KRAS: variants seen among roughly 807,000 people sequenced by gnomAD.
KRAS encodes GTPase KRas.
In KRAS, 1 loss-of-function variant was observed where a neutral mutation model predicts 21.0. That is an observed-to-expected ratio of 0.05 (90% confidence interval 0.02 to 0.23). KRAS has a LOEUF of 0.23. Ranked by LOEUF, KRAS falls within the 10% of genes least tolerant of loss-of-function variation. The pLI is 1.00. For synonymous variants in KRAS, 67 were observed against 72.5 expected (o/e 0.92, Z 0.39); for missense variants, 107 against 221.8 (o/e 0.48, Z 3.29).
rs1422476334 is a variant in KRAS at position 25,205,689 on chromosome 12, G to A, written c.*4106C>T. On this transcript the variant is annotated 3_prime_UTR_variant, in exon 5 of 5. Coordinates refer to ENST00000311936, the MANE Select transcript of KRAS (RefSeq NM_004985.5). ...GTAACCCAGTTAGCTCTGTGGGGGT[G>A]TGGGGGGAGAGATGGGCCCTCAACA... is the stretch of plus-strand genomic sequence containing the variant. 1 of 224,324 alleles carries A rather than the reference G, an allele frequency of 4.5e-6. No homozygotes were observed. 13.9% of individuals were successfully genotyped at this position (224,324 alleles called of 1,614,324 possible).
intron 2 of KRAS, chr12:25,234,015 A>AT: frequency 5.2e-6 from 1 of 190,818 alleles, no homozygotes; most frequent in Non-Finnish European, 1.1e-5. Context: ...GCAAAGGCAG[A>AT]TTTTTTAATC....
At chr12:25,228,338 G>C (rs926014497) in intron 2 of KRAS, among the ~76,000 whole-genome samples, 14 of 150,996 alleles carry the variant, frequency 9.3e-5, no homozygotes, top group African/African-American at 3.2e-4. Flanking sequence ...TTTGGACGAG[G>C]GATGCTGAAC....
In KRAS at chr12:25,206,675, A is replaced by G. The variant is rs1357422149; in HGVS notation, c.*3120T>C. On this transcript the variant is annotated 3_prime_UTR_variant, in exon 5 of 5. Transcript: ENST00000311936. Reference sequence around the variant, plus strand: ...CTGTGTAAGTCTTAACACCCTACCTAAACAGTGTTCCAAAGATCTGTAGTT... The same window carrying G: ...CTGTGTAAGTCTTAACACCCTACCTGAACAGTGTTCCAAAGATCTGTAGTT... 1 of 200,954 alleles carries G rather than the reference A, an allele frequency of 5.0e-6. No individual in the cohort carries two copies. Among genetic ancestry groups the G allele is most frequent in the African/African-American group, 2.3e-5 (1 of 43,610 alleles). 12.4% of individuals were successfully genotyped at this position (200,954 alleles called of 1,614,324 possible).
chr12:25,240,733 C>T (rs1951600006), intron 2 of KRAS, among the ~76,000 whole-genome samples: 1 of 152,054 alleles, frequency 6.6e-6, no homozygotes, highest in South Asian at 2.1e-4. Context: ...ATTCCATTAC[C>T]AACTTCCATT....
chr12:25,224,427 T>C (rs1273488278), intron 4 of KRAS, among the ~76,000 whole-genome samples: 1 of 151,664 alleles, frequency 6.6e-6, no homozygotes, highest in Non-Finnish European at 1.5e-5. Flanking sequence ...AAAAGTTTAA[T>C]AAGTAAAAAC....
At position 25,246,461 on chromosome 12, in the gene KRAS, G is replaced by C. The variant is rs541879477; in HGVS notation, c.-11-1066C>G. 2.6e-5 allele frequency among the ~76,000 whole-genome samples: 4 copies of C among 152,206 alleles called. No individual in the cohort carries two copies. The South Asian group carries it at 8.3e-4, about 32-fold the overall frequency. ...TAGTCCTAGCTACTGGGGAGGCTGA[G>C]GAAGGAGAATCACTTGAACCCGGGA... On this transcript the variant is annotated intron_variant, in intron 1 of 4. Transcript: ENST00000311936.
chr12:25,237,884 A>T (rs964889025), intron 2 of KRAS, among the ~76,000 whole-genome samples: 1 of 152,194 alleles, frequency 6.6e-6, no homozygotes, highest in Non-Finnish European at 1.5e-5. Flanking sequence ...TCCTTACAAA[A>T]TCACTGGGCA....
At chr12:25,243,179 A>G (rs1449428152) in intron 2 of KRAS, among the ~76,000 whole-genome samples, 1 of 152,168 alleles carries the variant, frequency 6.6e-6, no homozygotes, top group East Asian at 1.9e-4. Flanking sequence ...TGGAGTCAGC[A>G]TTTCCATTTA....
At chr12:25,214,326 G>A (rs1468106022) in intron 4 of KRAS, among the ~76,000 whole-genome samples, 1 of 151,716 alleles carries the variant, frequency 6.6e-6, no homozygotes, top group African/African-American at 2.4e-5. Flanking sequence ...GTGGTGGGAA[G>A]GTAGTAAGGA....
intron 2 of KRAS, among the ~76,000 whole-genome samples, chr12:25,239,202 T>C (rs921616165): frequency 6.6e-6 from 1 of 152,246 alleles, no homozygotes; most frequent in African/African-American, 2.4e-5. Context: ...ATATCTTTAG[T>C]ACCCCCCATC....
intron 4 of KRAS, among the ~76,000 whole-genome samples, chr12:25,216,466 G>A (rs933449360): frequency 8.6e-5 from 13 of 152,022 alleles, no homozygotes; most frequent in Admixed American, 7.9e-4. Context: ...GTAGAGACAG[G>A]GTTTTGCCAT....
At chr12:25,213,986 TGTCAAGTAATATAGGAATG>T (rs1272850233) in intron 4 of KRAS, among the ~76,000 whole-genome samples, 1 of 152,238 alleles carries the variant, frequency 6.6e-6, no homozygotes, top group African/African-American at 2.4e-5. Flanking sequence ...AAGATTTTGC[TGTCAAGTAATATAGGAATG>T]AAACAGAAGA....
intron 4 of KRAS, among the ~76,000 whole-genome samples, chr12:25,214,135 G>C (rs1222577560): frequency 6.6e-6 from 1 of 152,186 alleles, no homozygotes; most frequent in African/African-American, 2.4e-5. Context: ...TAGAGAGTAG[G>C]AGACTGGGGA....
At chr12:25,230,736 A>G (rs190565865) in intron 2 of KRAS, among the ~76,000 whole-genome samples, 1 of 152,274 alleles carries the variant, frequency 6.6e-6, no homozygotes, top group Non-Finnish European at 1.5e-5. Flanking sequence ...TACATATTAG[A>G]CTATAATTTT....
chr12:25,247,018 T>C (rs1369599830), intron 1 of KRAS, among the ~76,000 whole-genome samples: 2 of 152,132 alleles, frequency 1.3e-5, no homozygotes, highest in Non-Finnish European at 2.9e-5. Flanking sequence ...TGCATGAATA[T>C]TGACAGATTG....
chr12:25,213,871 G>A (rs12427141), intron 4 of KRAS, among the ~76,000 whole-genome samples: 17,330 of 152,162 alleles, frequency 0.11, 1,331 homozygotes, highest in Admixed American at 0.16. Context: ...GTTTAGAAAC[G>A]AAAATGAGAA....
intron 2 of KRAS, among the ~76,000 whole-genome samples, chr12:25,239,088 G>A (rs1233313954): frequency 6.6e-6 from 1 of 152,150 alleles, no homozygotes; most frequent in African/African-American, 2.4e-5. Context: ...TGAAAGTACA[G>A]AAATGTTATT....
In KRAS at chr12:25,227,421, G is replaced by C. The variant is rs727504298; in HGVS notation, c.112-9C>G. The C allele has an allele frequency of 1.2e-6, 2 of 1,613,264 alleles. No individual in the cohort carries two copies. Among genetic ancestry groups the C allele is most frequent in the African/African-American group, 2.7e-5 (2 of 74,884 alleles). ...TGCTTCCTGTAGGAATCCTGAGAAG[G>C]GAGAAACACAGTCTGGATTATTACA... On this transcript the variant is annotated splice_polypyrimidine_tract_variant and intron_variant, in intron 2 of 4. Transcript: ENST00000311936.
At chr12:25,227,523 T>A in intron 2 of KRAS, 111 bp from the exon 3 acceptor site, 1 of 917,336 alleles carries the variant, frequency 1.1e-6, no homozygotes, top group Non-Finnish European at 1.7e-6. Flanking sequence ...GGCAAAGGAC[T>A]TGAAAAGACA....
Sources: gnomAD v4.1 joint callset for allele counts (sites outside exome capture counted in the v4.1 genomes callset) on GRCh38, gnomAD v4.1.1 for gene constraint, MANE v1.5 for transcripts, NCBI Gene and HGNC (gene_info 2026-07-23, HGNC 2026-07-21) for gene names.